C19orf44: variants seen among roughly 807,000 people sequenced by gnomAD.
The protein encoded by C19orf44 is uncharacterized protein C19orf44.
A neutral mutation model predicts 50.7 loss-of-function variants in C19orf44; 43 were observed. The observed-to-expected ratio is 0.85, with a 90% CI of 0.66 to 1.09. The LOEUF (loss-of-function observed/expected upper bound fraction) is 1.09. Among genes scored for constraint, C19orf44 ranks in the 50% least tolerant of loss-of-function variants. C19orf44 has a pLI of 0.00. For missense variants in C19orf44, 722 were observed against 836.2 expected, an observed-to-expected ratio of 0.86 and a Z score of 1.68; for synonymous variants, 298 against 334.7, an observed-to-expected ratio of 0.89 and a Z score of 1.20.
chr19:16,500,611 G>A (rs2093422357), intron 1 of C19orf44, among the ~76,000 whole-genome samples, 181 bp from the exon 2 acceptor site: 2 of 152,084 alleles, frequency 1.3e-5, no homozygotes, highest in Admixed American at 1.3e-4. Context: ...CCAAAGTGCT[G>A]GGATTACAGG....
Position 16,519,775 on chromosome 19 carries a change from G to C in C19orf44, c.*41-319G>C. On this transcript the variant is annotated intron_variant, in intron 8 of 8. Transcript: ENST00000221671. This position sits in a 1 kb window ranked among gnomAD's most constrained non-coding sequence, Gnocchi z 6.0. ...AACTGAGACATTTATTGGAATGACA[G>C]TGATGAGGACCTCACAGCCGCAGCT... The C allele has an allele frequency of 7.1e-7, 1 of 1,414,708 alleles. No homozygotes were observed. Among genetic ancestry groups the C allele is most frequent in the African/African-American group, 1.4e-5 (1 of 71,048 alleles). The allele number at this position is 1,414,708 out of a possible 1,614,324, so 87.6% of individuals were successfully genotyped here.
chr19:16,503,667 C>T (rs2093432276), intron 3 of C19orf44, among the ~76,000 whole-genome samples: 2 of 152,296 alleles, frequency 1.3e-5, no homozygotes, highest in South Asian at 4.1e-4. Flanking sequence ...CAGGCTCAAG[C>T]AATCCGCCTG....
At chr19:16,510,038 C>T (rs370262229) in intron 5 of C19orf44, 50 bp downstream of exon 5, 23 of 1,613,184 alleles carry the variant, frequency 1.4e-5, no homozygotes, top group East Asian at 2.2e-5. Flanking sequence ...AGGAGCTCAG[C>T]GTGTGGTTTA....
At chr19:16,497,688 C>T (rs768517592) in intron 1 of C19orf44, among the ~76,000 whole-genome samples, 1 of 152,128 alleles carries the variant, frequency 6.6e-6, no homozygotes, top group Non-Finnish European at 1.5e-5. Context: ...GAGATTCCTG[C>T]GTGCTGTTAT....
rs373722617 is a variant in C19orf44, at chr19:16,520,152, G to A, written c.*99G>A. The A allele has an allele frequency of 1.2e-5, 20 of 1,611,838 alleles. No individual in the cohort carries two copies. Among genetic ancestry groups the A allele is most frequent in the African/African-American group, 8.0e-5 (6 of 74,898 alleles). On this transcript the variant is annotated 3_prime_UTR_variant, in exon 9 of 9. Coordinates refer to ENST00000221671, the MANE Select transcript of C19orf44 (RefSeq NM_032207.4). This position sits in a 1 kb window ranked among gnomAD's most constrained non-coding sequence, Gnocchi z 4.0. Reference sequence around the variant, plus strand: ...AGCACTTAAGACAGGATCTTACGGCGGGGTGGGGCTCCTGGACCGTGACCG... The same window carrying A: ...AGCACTTAAGACAGGATCTTACGGCAGGGTGGGGCTCCTGGACCGTGACCG...
In C19orf44 at chr19:16,517,303, C is replaced by T. The variant is rs752862431; in HGVS notation, c.*2C>T. 14 of 1,613,796 alleles carry T rather than the reference C, an allele frequency of 8.7e-6. No individual in the cohort carries two copies. Among genetic ancestry groups the T allele is most frequent in the Admixed American group, 1.7e-5 (1 of 59,970 alleles). On this transcript the variant is annotated 3_prime_UTR_variant, in exon 8 of 9. Coordinates refer to ENST00000221671, the MANE Select transcript of C19orf44 (RefSeq NM_032207.4). Reference sequence around the variant, plus strand: ...GAGGAGGTGAACAAGGAGCTGTGAGCGCCAGCAGGTGGAGCTTGACGTGAC... The same window carrying T: ...GAGGAGGTGAACAAGGAGCTGTGAGTGCCAGCAGGTGGAGCTTGACGTGAC...
chr19:16,496,506 G>C (rs1454975957), intron 1 of C19orf44, 41 bp downstream of exon 1: 1 of 317,226 alleles, frequency 3.2e-6, no homozygotes, highest in African/African-American at 2.2e-5. Flanking sequence ...CTGGGCGTCC[G>C]GGCTCGCGAG....
chr19:16,517,777 C>T (rs1248972003), intron 8 of C19orf44: 3 of 163,354 alleles, frequency 1.8e-5, no homozygotes, highest in East Asian at 1.8e-4. Context: ...ACGCTGGGGA[C>T]GCCATGTGAG....
At chr19:16,497,889 G>A (rs1343095021) in intron 1 of C19orf44, among the ~76,000 whole-genome samples, 1 of 152,034 alleles carries the variant, frequency 6.6e-6, no homozygotes, top group Non-Finnish European at 1.5e-5. Flanking sequence ...CTGAGGCTGC[G>A]GATCTCTAGA....
Position 16,514,720 on chromosome 19 carries a change from AGGCCG to A in C19orf44, c.1902+63_1902+67del, listed in dbSNP as rs1342803808. ...GCAGTAGGGGAGCGGCAGCTCCCAGAGGCCGGGCCGAAGGGATATGGGCCGGGGCC... is the reference window on the plus strand; with the variant it reads ...GCAGTAGGGGAGCGGCAGCTCCCAGAGGCCGAAGGGATATGGGCCGGGGCC... On this transcript the variant is annotated intron_variant, in intron 7 of 8. Coordinates refer to ENST00000221671, the MANE Select transcript of C19orf44 (RefSeq NM_032207.4). 1.2e-5 allele frequency: 18 copies of A among 1,453,396 alleles called. No homozygotes were observed. In the East Asian group the frequency reaches 4.5e-4, roughly 36 times the overall value. The allele number at this position is 1,453,396 out of a possible 1,614,324, so 90.0% of individuals were successfully genotyped here. A position where few individuals can be genotyped will look rare whatever the true frequency, so the allele number is the denominator to read the frequency against.
At position 16,509,649 on chromosome 19, in the gene C19orf44, G is replaced by A. The variant is rs1030983336; in HGVS notation, c.1300G>A (p.Glu434Lys). 6.2e-7 allele frequency: 1 copy of A among 1,614,216 alleles called. No homozygotes were observed. Among genetic ancestry groups the A allele is most frequent in the Non-Finnish European group, 8.5e-7 (1 of 1,180,048 alleles). ...AGAGGGGGATGAGAGCGAGGTCTCG[G>A]AGCATCTCAGTGCCAGCTCGGCTTC... is the stretch of plus-strand genomic sequence containing the variant. Reference protein sequence around the residue: ...SAEGDESEVSEHLSASSASAI... With the variant: ...SAEGDESEVSKHLSASSASAI... Residue 434 changes from glutamate to lysine, a missense_variant, in exon 5 of 9, where the codon GAG (glutamate) becomes AAG (lysine). Transcript: ENST00000221671.
chr19:16,517,613 C>T (rs2085555116), intron 8 of C19orf44, among the ~76,000 whole-genome samples: 1 of 151,968 alleles, frequency 6.6e-6, no homozygotes, highest in South Asian at 2.1e-4. Context: ...AATAGAATTT[C>T]AGTGGAGCTG....
In C19orf44 at chr19:16,520,545, ATGGGCTGCACCCAGCCCACCC is replaced by A; in HGVS notation, c.*496_*516del. On this transcript the variant is annotated 3_prime_UTR_variant, in exon 9 of 9. Coordinates refer to ENST00000221671, the MANE Select transcript of C19orf44 (RefSeq NM_032207.4). The surrounding 1 kb of genome is among the most constrained non-coding windows in gnomAD (Gnocchi z 4.0). ...GCCTGATGATCAGGTGCCCCAGTGG[ATGGGCTGCACCCAGCCCACCC>A]TGGCCCTCAGGTTCCTAGACCACCC... 6.3e-7 allele frequency: 1 copy of A among 1,593,748 alleles called. No homozygotes were observed. The highest frequency in any genetic ancestry group is 8.6e-7 in the Non-Finnish European group (1 of 1,169,164).
chr19:16,501,519 G>A lies in C19orf44; in HGVS notation c.727G>A (p.Val243Ile), dbSNP rs188780108. The A allele has an allele frequency of 2.4e-5, 35 of 1,454,994 alleles. No individual in the cohort carries two copies. The highest frequency in any genetic ancestry group is 3.7e-4 in the Middle Eastern group (2 of 5,432). 90.1% of individuals were successfully genotyped at this position (1,454,994 alleles called of 1,614,324 possible). A position where few individuals can be genotyped will look rare whatever the true frequency, so the allele number is the denominator to read the frequency against. The change falls in exon 2 of 9, where the codon GTC becomes ATC. Residue 243 changes from valine (V) to isoleucine (I), a missense_variant. Transcript: ENST00000221671. Reference sequence around the variant, plus strand: ...GAATCAAGGCTTCAGCAGCGCTAACGTCAGCGAGGAAGAAGAAAGAAAACT... The same window carrying A: ...GAATCAAGGCTTCAGCAGCGCTAACATCAGCGAGGAAGAAGAAAGAAAACT... ...NTNQGFSSANVSEEEERKLFS... is the reference protein window; with the variant it reads ...NTNQGFSSANISEEEERKLFS...
chr19:16,514,535 G>A lies in C19orf44; in HGVS notation c.1774G>A (p.Asp592Asn), dbSNP rs1343666729. ...CAGCCCGGCCGTGCTGGCACTCCAT[G>A]ATGTGCTGAAGCAGCAGCTGAGCCT... ...AYSPAVLALH[D>N]VLKQQLSLTQ... Residue 592 changes from aspartate (D) to asparagine (N), a missense_variant, in exon 7 of 9, where the codon GAT becomes AAT. Transcript: ENST00000221671. 1.2e-6 allele frequency: 2 copies of A among 1,612,010 alleles called. No individual in the cohort carries two copies. Among genetic ancestry groups the A allele is most frequent in the Middle Eastern group, 1.6e-4 (1 of 6,062 alleles).
Position 16,513,108 on chromosome 19 carries a change from A to G in C19orf44, c.1734A>G (p.Glu578=), listed in dbSNP as rs746779305. 6.2e-7 allele frequency: 1 copy of G among 1,613,824 alleles called. No homozygotes were observed. The highest frequency in any genetic ancestry group is 1.7e-5 in the Admixed American group (1 of 60,004). Residue 578 remains glutamate (E), a splice_region_variant and synonymous_variant, in exon 6 of 9, where the codon GAA becomes GAG. Coordinates refer to ENST00000221671, the MANE Select transcript of C19orf44 (RefSeq NM_032207.4). ...ATGTTATCAGTGCAGATGCAATAGA[A>G]GGTAACAGCCCGGCTCGGGGGATCC... ...ANHVISADAI[E]ALTAYSPAVL...
At position 16,514,580 on chromosome 19, in the gene C19orf44, G is replaced by A. The variant is rs1267600951; in HGVS notation, c.1819G>A (p.Ala607Thr). The A allele has an allele frequency of 6.2e-7, 1 of 1,609,300 alleles. No homozygotes were observed. Among genetic ancestry groups the A allele is most frequent in the Non-Finnish European group, 8.5e-7 (1 of 1,178,762 alleles). Residue 607 changes from alanine (A) to threonine (T), a missense_variant, in exon 7 of 9, where the codon GCC becomes ACC. By Grantham distance (58) the Ala-to-Thr change is moderately conservative. Transcript: ENST00000221671. Reference sequence around the variant, plus strand: ...GAGCCTGACGCAGCAGTTCATCCAGGCCAGCCGGCACCTGCACGCCTCCCT... The same window carrying A: ...GAGCCTGACGCAGCAGTTCATCCAGACCAGCCGGCACCTGCACGCCTCCCT... The part of the protein sequence containing the change: ...QLSLTQQFIQ[A>T]SRHLHASLLR...
intron 4 of C19orf44, among the ~76,000 whole-genome samples, chr19:16,508,728 G>T (rs919794143): frequency 4.6e-5 from 7 of 152,054 alleles, no homozygotes; most frequent in Non-Finnish European, 8.8e-5. Flanking sequence ...TCTTACAGAG[G>T]TAGGGTCTTG....
In C19orf44 at chr19:16,501,562, T is replaced by G; in HGVS notation, c.759+11T>G. The G allele has an allele frequency of 7.3e-7, 1 of 1,377,052 alleles. No individual in the cohort carries two copies. Among genetic ancestry groups the G allele is most frequent in the Non-Finnish European group, 9.5e-7 (1 of 1,058,056 alleles). The allele number at this position is 1,377,052 out of a possible 1,614,324, so 85.3% of individuals were successfully genotyped here. A position where few individuals can be genotyped will look rare whatever the true frequency, so the allele number is the denominator to read the frequency against. Reference sequence around the variant, plus strand: ...AGAAAACTATTTTCGGTGAGATTTTTTTTTTTTGGTAAATTTATTTTAATT... The same window carrying G: ...AGAAAACTATTTTCGGTGAGATTTTGTTTTTTTGGTAAATTTATTTTAATT... On this transcript the variant is annotated intron_variant, in intron 2 of 8. Coordinates refer to ENST00000221671, the MANE Select transcript of C19orf44 (RefSeq NM_032207.4).
Sources: gnomAD v4.1 joint callset for allele counts (sites outside exome capture counted in the v4.1 genomes callset) on GRCh38, gnomAD v4.1.1 for gene constraint, Gnocchi (gnomAD v3.1) non-coding constraint, MANE v1.5 for transcripts, NCBI Gene and HGNC (gene_info 2026-07-23, HGNC 2026-07-21) for gene names.